The following ROR1 variants were observed in gnomAD, a reference collection of about 807,000 sequenced individuals.
ROR1 encodes the protein inactive tyrosine-protein kinase transmembrane receptor ROR1.
In ROR1, 19 loss-of-function variants were observed where a neutral mutation model predicts 78.8. The observed-to-expected ratio is 0.24, with a 90% CI of 0.17 to 0.35. The LOEUF is 0.35. ROR1 is among the 10% of genes least tolerant of loss of function. The pLI, the probability that ROR1 is intolerant of heterozygous loss-of-function variation, is 1.00. For missense variants in ROR1, 917 were observed against 1,177.8 expected (o/e 0.78, Z 3.24); for synonymous variants, 386 against 433.6 (o/e 0.89, Z 1.36).
chr1:64,153,792 T>C (rs536242179), intron 7 of ROR1, among the ~76,000 whole-genome samples: 102 of 152,144 alleles, frequency 6.7e-4, no homozygotes, highest in Non-Finnish European at 1.2e-3. Context: ...AGTTTTAGTT[T>C]TGCAGCATGA....
At chr1:63,963,890 A>G (rs1569983987) in intron 1 of ROR1, among the ~76,000 whole-genome samples, 1 of 152,158 alleles carries the variant, frequency 6.6e-6, no homozygotes, top group Admixed American at 6.5e-5. Context: ...CTTTCTAAGG[A>G]TGGCAGAGCA....
intron 2 of ROR1, among the ~76,000 whole-genome samples, chr1:64,036,565 G>T (rs1313625063): frequency 6.6e-6 from 1 of 152,098 alleles, no homozygotes; most frequent in Non-Finnish European, 1.5e-5. Flanking sequence ...TCTCCCCTGG[G>T]AGATCCTTGA....
rs369511325 is a variant in ROR1, at chr1:64,051,455, T to TAAAAAAAAAA, written c.482+745_482+746insAAAAAAAAAA. Reference sequence around the variant, plus strand: ...GCAGAGTGAGACTCCGTCTCAAAAATAAAAAATAAAATAAAATAAAATAAA... The same window carrying TAAAAAAAAAA: ...GCAGAGTGAGACTCCGTCTCAAAAATAAAAAAAAAAAAAAAATAAAATAAAATAAAATAAA... On this transcript the variant is annotated intron_variant, in intron 4 of 8. Coordinates refer to ENST00000371079, the MANE Select transcript of ROR1 (RefSeq NM_005012.4). 3.6e-4 allele frequency among the ~76,000 whole-genome samples: 14 copies of TAAAAAAAAAA among 39,192 alleles called. No homozygotes were observed. The East Asian group carries it at 4.7e-3, about 13-fold the overall frequency. 25.7% of individuals were successfully genotyped at this position (39,192 alleles called of 152,430 possible).
At chr1:63,983,352 T>A (rs1221041529) in intron 1 of ROR1, among the ~76,000 whole-genome samples, 1 of 152,196 alleles carries the variant, frequency 6.6e-6, no homozygotes, top group Non-Finnish European at 1.5e-5. Context: ...CTGCCCTGGA[T>A]CTGATTGGTC....
intron 1 of ROR1, among the ~76,000 whole-genome samples, chr1:63,853,914 A>G (rs1012038298): frequency 2.0e-5 from 3 of 152,198 alleles, no homozygotes; most frequent in Admixed American, 6.5e-5. Flanking sequence ...GATAAAAACC[A>G]TACGGTTTCA....
At chr1:63,977,760 A>G (rs285341) in intron 1 of ROR1, among the ~76,000 whole-genome samples, 117,902 of 152,164 alleles carry the variant, frequency 0.77, 46,193 homozygotes, top group East Asian at 0.94. Context: ...ATGTTACTTC[A>G]GGAAATGCAT....
intron 8 of ROR1, among the ~76,000 whole-genome samples, chr1:64,173,413 T>C (rs1650293671): frequency 6.6e-6 from 1 of 152,144 alleles, no homozygotes; most frequent in Non-Finnish European, 1.5e-5. Context: ...CAATTATAAT[T>C]CCATAGAGTG....
chr1:64,020,732 A>G (rs1646558332), intron 2 of ROR1, among the ~76,000 whole-genome samples: 1 of 152,168 alleles, frequency 6.6e-6, no homozygotes, highest in African/African-American at 2.4e-5. Flanking sequence ...GTCCACAAAC[A>G]GATTATTTGG....
At chr1:63,956,926 T>C (rs922787910) in intron 1 of ROR1, among the ~76,000 whole-genome samples, 6 of 152,182 alleles carry the variant, frequency 3.9e-5, no homozygotes, top group Admixed American at 3.9e-4. Context: ...GTAGCATCTA[T>C]TTTATTAATT....
intron 2 of ROR1, among the ~76,000 whole-genome samples, chr1:64,018,900 G>A (rs569388512): frequency 5.5e-4 from 83 of 152,274 alleles, no homozygotes; most frequent in Middle Eastern, 3.4e-3. Flanking sequence ...CGTTGAATCA[G>A]GCTAGACCCT....
At chr1:64,021,395 C>T (rs1394134516) in intron 2 of ROR1, among the ~76,000 whole-genome samples, 1 of 152,176 alleles carries the variant, frequency 6.6e-6, no homozygotes, top group Non-Finnish European at 1.5e-5. Flanking sequence ...AGGCACTGTG[C>T]TGATACAGAG....
intron 4 of ROR1, among the ~76,000 whole-genome samples, chr1:64,070,936 A>G (rs1646998586): frequency 6.6e-6 from 1 of 152,212 alleles, no homozygotes; most frequent in Admixed American, 6.5e-5. Flanking sequence ...TTTTCTGCCA[A>G]GGGGCTGACA....
chr1:63,853,383 C>T (rs1645126428), intron 1 of ROR1, among the ~76,000 whole-genome samples: 1 of 152,166 alleles, frequency 6.6e-6, no homozygotes, highest in Non-Finnish European at 1.5e-5. Context: ...TTGGGTATCC[C>T]TAATCTGAGA....
At chr1:64,069,709 A>G (rs540752128) in intron 4 of ROR1, among the ~76,000 whole-genome samples, 4 of 152,314 alleles carry the variant, frequency 2.6e-5, no homozygotes, top group Admixed American at 2.0e-4. Context: ...GTTCATGACA[A>G]TGGGAGAAGG....
In ROR1 at chr1:63,825,385, A is replaced by C. The variant is rs545022362; in HGVS notation, c.91+50877A>C. ...ATAAAGAGAGGCTACCACATGGATA[A>C]ACCTCAAAAACATTATGCTAAGTGA... On this transcript the variant is annotated intron_variant, in intron 1 of 8. Transcript: ENST00000371079. Among the ~76,000 whole-genome samples, 7 of 152,374 alleles carry C rather than the reference A, an allele frequency of 4.6e-5. No individual in the cohort carries two copies. In the South Asian group the frequency reaches 1.0e-3, roughly 23 times the overall value.
At chr1:64,065,773 G>A (rs987265792) in intron 4 of ROR1, among the ~76,000 whole-genome samples, 1 of 152,148 alleles carries the variant, frequency 6.6e-6, no homozygotes, top group Admixed American at 6.5e-5. Flanking sequence ...AATGCTAACT[G>A]ACTCATACAT....
intron 1 of ROR1, among the ~76,000 whole-genome samples, chr1:63,844,329 C>T (rs1358635658): frequency 2.0e-5 from 3 of 152,170 alleles, no homozygotes; most frequent in Non-Finnish European, 2.9e-5. Flanking sequence ...TTGCAATGTC[C>T]TCCAAACCCT....
At chr1:63,776,329 C>G (rs925629178) in intron 1 of ROR1, among the ~76,000 whole-genome samples, 24 of 152,192 alleles carry the variant, frequency 1.6e-4, no homozygotes, top group Admixed American at 1.6e-3. Context: ...CTGTTTACAG[C>G]CTTTTAGAGT....
chr1:63,793,029 A>T (rs141756602), intron 1 of ROR1, among the ~76,000 whole-genome samples: 110 of 152,360 alleles, frequency 7.2e-4, no homozygotes, highest in African/African-American at 2.6e-3. Context: ...GCTTTCTCTG[A>T]TTTCACATTG....
Sources: gnomAD v4.1 joint callset for allele counts (sites outside exome capture counted in the v4.1 genomes callset) on GRCh38, gnomAD v4.1.1 for gene constraint, MANE v1.5 for transcripts, NCBI Gene and HGNC (gene_info 2026-07-23, HGNC 2026-07-21) for gene names.